Variants in ROR1 observed in about 807,000 individuals in gnomAD.
The protein encoded by ROR1 is ROR family WNT receptor 1, also known as inactive tyrosine-protein kinase transmembrane receptor ROR1.
A neutral mutation model predicts 78.8 loss-of-function variants in ROR1; 19 were observed. The observed-to-expected ratio is 0.24, with a 90% confidence interval of 0.17 to 0.35. The LOEUF (loss-of-function observed/expected upper bound fraction) is 0.35. Among genes scored for constraint, ROR1 ranks in the 10% least tolerant of loss-of-function variants. The probability of loss-of-function intolerance (pLI) is 1.00; values close to 1 mark genes in which losing one functional copy is unlikely to be tolerated. For missense variants in ROR1, 917 were observed against 1,177.8 expected, an observed-to-expected ratio of 0.78 and a Z score of 3.24; for synonymous variants, 386 against 433.6, an observed-to-expected ratio of 0.89 and a Z score of 1.36.
chr1:64,174,652 A>C lies in ROR1; in HGVS notation c.1387-2776A>C, dbSNP rs79163651. Among the ~76,000 whole-genome samples the C allele has an allele frequency of 5.0e-4, 76 of 152,308 alleles. No homozygotes were observed. In the East Asian group the frequency reaches 0.01, roughly 21 times the overall value. ...AAAGCGTAGAGATCTTATTTTTGTC[A>C]AAAAGTAAGTGATGTCTACTTTGCC... On this transcript the variant is annotated intron_variant, in intron 8 of 8. Transcript: ENST00000371079.
intron 2 of ROR1, among the ~76,000 whole-genome samples, chr1:64,013,217 A>G (rs1214424132): frequency 1.3e-5 from 2 of 152,176 alleles, no homozygotes; most frequent in African/African-American, 4.8e-5. Flanking sequence ...ATATTAAAAT[A>G]TCATGCGTAC....
At chr1:63,783,368 A>C (rs1463256239) in intron 1 of ROR1, among the ~76,000 whole-genome samples, 2 of 152,158 alleles carry the variant, frequency 1.3e-5, no homozygotes, top group African/African-American at 4.8e-5. Context: ...ATTTTCTCTT[A>C]TAGTGCAGGC....
intron 1 of ROR1, among the ~76,000 whole-genome samples, chr1:63,894,683 A>C (rs1417370367): frequency 1.3e-5 from 2 of 152,142 alleles, no homozygotes; most frequent in Admixed American, 1.3e-4. Flanking sequence ...ATACACCAAA[A>C]CCACTGCCTT....
At chr1:63,856,643 C>G (rs569222367) in intron 1 of ROR1, among the ~76,000 whole-genome samples, 1 of 152,270 alleles carries the variant, frequency 6.6e-6, no homozygotes, top group African/African-American at 2.4e-5. Context: ...CCTCCAGACA[C>G]CTTGAGCTGG....
chr1:63,941,537 T>G (rs1011413456), intron 1 of ROR1, among the ~76,000 whole-genome samples: 2 of 152,236 alleles, frequency 1.3e-5, no homozygotes, highest in African/African-American at 4.8e-5. Context: ...GCTGTCTTAC[T>G]TTGGACAAGT....
intron 1 of ROR1, among the ~76,000 whole-genome samples, chr1:64,007,583 AT>A (rs1328737398): frequency 1.3e-5 from 2 of 152,164 alleles, no homozygotes; most frequent in African/African-American, 2.4e-5. Flanking sequence ...TTCATAGTGT[AT>A]TATGTCCTTT....
At chr1:63,794,608 C>T (rs925047840) in intron 1 of ROR1, among the ~76,000 whole-genome samples, 3 of 152,204 alleles carry the variant, frequency 2.0e-5, no homozygotes, top group Non-Finnish European at 4.4e-5. Context: ...TCCAGCTAGA[C>T]TGCTAGCAGG....
intron 1 of ROR1, among the ~76,000 whole-genome samples, chr1:63,957,431 A>G (rs17125862): frequency 0.013 from 1,996 of 152,274 alleles, 44 homozygotes; most frequent in African/African-American, 0.046. Context: ...ATGCGAATCC[A>G]TGATGCCAAC....
rs1200184867 is a variant in ROR1, at chr1:64,032,053, C to T, written c.164-17638C>T. 3.9e-5 allele frequency among the ~76,000 whole-genome samples: 6 copies of T among 151,900 alleles called. No homozygotes were observed. In the South Asian group the frequency reaches 8.3e-4, roughly 21 times the overall value. ...TTCCTCCTCTTCCATTTTCATTATA[C>T]AAAATATGGCCGGGCGCGGTGGCTC... On this transcript the variant is annotated intron_variant, in intron 2 of 8. Transcript: ENST00000371079.
chr1:64,051,325 C>A (rs1479027919), intron 4 of ROR1, among the ~76,000 whole-genome samples: 2 of 151,694 alleles, frequency 1.3e-5, no homozygotes, highest in Non-Finnish European at 2.9e-5. Flanking sequence ...TGGTGGGCGC[C>A]TGTAGTCCCA....
At chr1:63,789,117 C>A in intron 1 of ROR1, 1 of 612,088 alleles carries the variant, frequency 1.6e-6, no homozygotes. Flanking sequence ...GTTTTCCTGG[C>A]ATCGAGCCTG....
chr1:63,912,577 A>G (rs1222376003), intron 1 of ROR1, among the ~76,000 whole-genome samples: 2 of 152,146 alleles, frequency 1.3e-5, no homozygotes, highest in Non-Finnish European at 2.9e-5. Flanking sequence ...GCAAAAATAC[A>G]ATGGTATGAT....
intron 1 of ROR1, among the ~76,000 whole-genome samples, chr1:63,886,370 G>T (rs911682441): frequency 1.3e-5 from 2 of 152,184 alleles, no homozygotes; most frequent in Non-Finnish European, 2.9e-5. Context: ...AAATGAGGTG[G>T]TTGCAATGCA....
chr1:63,929,204 G>A (rs1279009292), intron 1 of ROR1, among the ~76,000 whole-genome samples: 1 of 152,136 alleles, frequency 6.6e-6, no homozygotes, highest in Non-Finnish European at 1.5e-5. Context: ...AGTAAGCACT[G>A]AATATTGGAC....
intron 1 of ROR1, among the ~76,000 whole-genome samples, chr1:63,924,048 C>A (rs1190750652): frequency 6.6e-6 from 1 of 152,110 alleles, no homozygotes; most frequent in African/African-American, 2.4e-5. Flanking sequence ...AAGCTAGCAA[C>A]CTCTGGTATC....
chr1:63,950,131 A>G (rs1645923411), intron 1 of ROR1, among the ~76,000 whole-genome samples: 1 of 152,150 alleles, frequency 6.6e-6, no homozygotes, highest in Admixed American at 6.5e-5. Context: ...AGCAGCCCCA[A>G]TCCAGGCCCC....
intron 1 of ROR1, among the ~76,000 whole-genome samples, chr1:63,819,002 A>G (rs557636465): frequency 2.0e-5 from 3 of 152,244 alleles, no homozygotes; most frequent in Non-Finnish European, 2.9e-5. Flanking sequence ...ATAAGGAAAA[A>G]TTGCTAAAGC....
At chr1:63,953,943 C>G (rs1358515870) in intron 1 of ROR1, among the ~76,000 whole-genome samples, 2 of 152,142 alleles carry the variant, frequency 1.3e-5, no homozygotes, top group East Asian at 3.9e-4. Context: ...AGGAGTCACA[C>G]TTTAGGTTGA....
chr1:63,785,712 G>A (rs1355712855), intron 1 of ROR1, among the ~76,000 whole-genome samples: 1 of 151,878 alleles, frequency 6.6e-6, no homozygotes, highest in Admixed American at 6.6e-5. Context: ...TTTTAGTAGA[G>A]ACAGGGTTTC....
Sources: allele counts gnomAD v4.1 joint callset (sites outside exome capture counted in the v4.1 genomes callset), GRCh38; gene constraint gnomAD v4.1.1; transcripts MANE v1.5; gene names NCBI Gene and HGNC (gene_info 2026-07-23, HGNC 2026-07-21).